The following VSIR variants were observed in gnomAD, a reference collection of about 807,000 sequenced individuals.
VSIR encodes the protein V-set immunoregulatory receptor.
VSIR carries 10 observed loss-of-function variants against 31.0 expected under a neutral mutation model. That is an observed-to-expected ratio of 0.32 (90% CI 0.20 to 0.55). The LOEUF (loss-of-function observed/expected upper bound fraction) is 0.55. VSIR is among the 20% of genes least tolerant of loss of function. VSIR has a pLI of 0.93. For missense variants in VSIR, 356 were observed against 416.2 expected, an observed-to-expected ratio of 0.86 and a Z score of 1.26; for synonymous variants, 179 against 180.1, an observed-to-expected ratio of 0.99 and a Z score of 0.05.
chr10:71,773,458 G>C lies in VSIR; in HGVS notation c.-19C>G. 1.3e-6 allele frequency: 2 copies of C among 1,580,208 alleles called. No homozygotes were observed. Among genetic ancestry groups the C allele is most frequent in the Non-Finnish European group, 1.7e-6 (2 of 1,163,054 alleles). Reference sequence around the variant, plus strand: ...CGCCCATGTCGCCGTCGGACGCGCAGAGGAACTTCTGGTGCCGGGGAGCGG... The same window carrying C: ...CGCCCATGTCGCCGTCGGACGCGCACAGGAACTTCTGGTGCCGGGGAGCGG... On this transcript the variant is annotated 5_prime_UTR_variant, in exon 1 of 7. Transcript: ENST00000394957.
chr10:71,765,507 C>T (rs1164958194), intron 1 of VSIR, among the ~76,000 whole-genome samples: 1 of 152,170 alleles, frequency 6.6e-6, no homozygotes, highest in African/African-American at 2.4e-5. Context: ...TCCCTGTGAA[C>T]AAGGTGGGGC....
In VSIR at chr10:71,751,270, T is replaced by C; in HGVS notation, c.919A>G (p.Asn307Asp). The change falls in exon 7 of 7, where the codon AAC becomes GAC. Residue 307 changes from asparagine to aspartate, a missense_variant. Coordinates refer to ENST00000394957, the MANE Select transcript of VSIR (RefSeq NM_022153.2). This position sits in a 1 kb window ranked among gnomAD's most constrained non-coding sequence, Gnocchi z 4.9. ...CAGCTGGGCTAGATGACCTCAAAGTTTGGAGAGTCAGGGACAGGGTCTGCA... is the reference window on the plus strand; with the variant it reads ...CAGCTGGGCTAGATGACCTCAAAGTCTGGAGAGTCAGGGACAGGGTCTGCA... The part of the protein sequence containing the change: ...PSLDPVPDSP[N>D]FEVI The C allele has an allele frequency of 6.2e-7, 1 of 1,610,338 alleles. No individual in the cohort carries two copies. Among genetic ancestry groups the C allele is most frequent in the Non-Finnish European group, 8.5e-7 (1 of 1,178,038 alleles).
chr10:71,757,859 AG>A (rs1214583378), intron 3 of VSIR, among the ~76,000 whole-genome samples: 3 of 152,162 alleles, frequency 2.0e-5, no homozygotes, highest in Non-Finnish European at 2.9e-5. Flanking sequence ...AGAAGTTCAA[AG>A]GGAGATGAGC....
At chr10:71,768,275 A>T (rs1840603274) in intron 1 of VSIR, among the ~76,000 whole-genome samples, 1 of 150,614 alleles carries the variant, frequency 6.6e-6, no homozygotes, top group Non-Finnish European at 1.5e-5. Flanking sequence ...GGTTGAAGCA[A>T]CTCTCCTGCC....
intron 4 of VSIR, among the ~76,000 whole-genome samples, chr10:71,754,378 G>A (rs575731875): frequency 7.2e-5 from 11 of 152,134 alleles, no homozygotes; most frequent in African/African-American, 2.4e-4. Context: ...GTTAAGGGCC[G>A]GCCACAGGAA....
At chr10:71,771,407 G>A (rs1700100965) in intron 1 of VSIR, among the ~76,000 whole-genome samples, 1 of 152,224 alleles carries the variant, frequency 6.6e-6, no homozygotes, top group African/African-American at 2.4e-5. Flanking sequence ...CTGGCATAAA[G>A]GCTTTGACCT....
chr10:71,762,137 G>C, intron 1 of VSIR, 111 bp from the exon 2 acceptor site: 1 of 1,281,848 alleles, frequency 7.8e-7, no homozygotes, highest in South Asian at 1.5e-5. Flanking sequence ...CAGGCCAGGG[G>C]CATGTCAGCT....
intron 1 of VSIR, among the ~76,000 whole-genome samples, chr10:71,772,800 G>C (rs1177426006): frequency 2.6e-5 from 4 of 152,172 alleles, no homozygotes; most frequent in Non-Finnish European, 5.9e-5. Context: ...TTAGAATAGG[G>C]ACCAGGTGGG....
At chr10:71,760,306 TACACAC>T (rs142089504) in intron 3 of VSIR, among the ~76,000 whole-genome samples, 2 of 86,502 alleles carry the variant, frequency 2.3e-5, no homozygotes, top group Admixed American at 1.3e-4. Flanking sequence ...TATATGTATA[TACACAC>T]ACATATATAT....
At position 71,760,028 on chromosome 10, in the gene VSIR, C is replaced by CACACACACACATATAT. The variant is rs1840293275; in HGVS notation, c.568+824_568+839dup. Among the ~76,000 whole-genome samples the CACACACACACATATAT allele has an allele frequency of 3.4e-4, 16 of 47,208 alleles. 6 individuals are homozygous for CACACACACACATATAT. Among genetic ancestry groups the CACACACACACATATAT allele is most frequent in the African/African-American group, 9.1e-4 (14 of 15,452 alleles). The allele number at this position is 47,208 out of a possible 152,430, so 31.0% of individuals were successfully genotyped here. On this transcript the variant is annotated intron_variant, in intron 3 of 6. Coordinates refer to ENST00000394957, the MANE Select transcript of VSIR (RefSeq NM_022153.2). ...ATATATATACACACACACATATATA[C>CACACACACACATATAT]ACACACACACATATATACACACACA...
intron 3 of VSIR, among the ~76,000 whole-genome samples, chr10:71,760,321 A>ATG (rs1840345851): frequency 6.8e-6 from 1 of 146,912 alleles, no homozygotes; most frequent in Admixed American, 6.9e-5. Context: ...ACACATATAT[A>ATG]TATATATATA....
chr10:71,764,261 A>T (rs755493512), intron 1 of VSIR, among the ~76,000 whole-genome samples: 1 of 152,208 alleles, frequency 6.6e-6, no homozygotes, highest in Non-Finnish European at 1.5e-5. Context: ...GGCATATCTA[A>T]CAATGCCATA....
chr10:71,755,896 G>A (rs1253834535), intron 3 of VSIR, among the ~76,000 whole-genome samples: 7 of 152,300 alleles, frequency 4.6e-5, no homozygotes, highest in South Asian at 4.1e-4. Flanking sequence ...CAGTGGTGAC[G>A]GTTGCACATT....
rs140045464 is a variant in VSIR, at chr10:71,762,004, G to C, written c.105C>G (p.Val35=). 1.2e-6 allele frequency: 2 copies of C among 1,606,890 alleles called. No individual in the cohort carries two copies. Among genetic ancestry groups the C allele is most frequent in the Non-Finnish European group, 1.7e-6 (2 of 1,175,744 alleles). ...ASLGPVAAFK[V]ATPYSLYVCP... is the part of the protein sequence containing the mutation. ...AGACATACAGGGAATACGGCGTGGCGACCTTGAAGGCTGCCACCGGACCTG... is the reference window on the plus strand; with the variant it reads ...AGACATACAGGGAATACGGCGTGGCCACCTTGAAGGCTGCCACCGGACCTG... The change falls in exon 2 of 7, where the codon GTC becomes GTG. Residue 35 remains valine, a synonymous_variant. Coordinates refer to ENST00000394957, the MANE Select transcript of VSIR (RefSeq NM_022153.2).
chr10:71,761,763 G>A lies in VSIR; in HGVS notation c.346C>T (p.Arg116Cys), dbSNP rs779919795. The part of the protein sequence containing the change: ...AANTSHDLAQ[R>C]HGLESASDHH... ...TCGGAGGCCGACTCCAGCCCGTGGC[G>A]CTGAGCCAGGTCGTGGCTGGTGTTG... Residue 116 changes from arginine (R) to cysteine (C), a missense_variant, in exon 2 of 7, where the codon CGC becomes TGC. Around this residue, in one of 2 missense-constraint regions of VSIR, gnomAD observed 166 missense variants for 231.0 expected, o/e 0.72. Transcript: ENST00000394957. The A allele has an allele frequency of 5.8e-5, 94 of 1,614,026 alleles. No homozygotes were observed. The highest frequency in any genetic ancestry group is 1.9e-4 in the South Asian group (17 of 91,088).
At chr10:71,752,433 C>A (rs1164073055) in intron 5 of VSIR, among the ~76,000 whole-genome samples, 1 of 152,230 alleles carries the variant, frequency 6.6e-6, no homozygotes, top group Non-Finnish European at 1.5e-5. Context: ...GGGGCAGGAA[C>A]TTGGGTTCCC....
rs749448731 is a variant in VSIR, at chr10:71,761,776, G to A, written c.333C>T (p.His111=). 3.5e-5 allele frequency: 57 copies of A among 1,614,044 alleles called. No individual in the cohort carries two copies. The highest frequency in any genetic ancestry group is 1.3e-4 in the South Asian group (12 of 91,088). ...CCAGCCCGTGGCGCTGAGCCAGGTCGTGGCTGGTGTTGGCAGCCTGGTGGC... is the reference window on the plus strand; with the variant it reads ...CCAGCCCGTGGCGCTGAGCCAGGTCATGGCTGGTGTTGGCAGCCTGGTGGC... ...HGGHQAANTS[H]DLAQRHGLES... is the part of the protein sequence containing the mutation. The change falls in exon 2 of 7, where the codon CAC becomes CAT. Residue 111 remains histidine (H), a synonymous_variant. Coordinates refer to ENST00000394957, the MANE Select transcript of VSIR (RefSeq NM_022153.2).
At chr10:71,760,798 A>G in intron 3 of VSIR, 70 bp downstream of exon 3, 1 of 1,470,462 alleles carries the variant, frequency 6.8e-7, no homozygotes, top group South Asian at 1.1e-5. Flanking sequence ...AGTTCCAAAC[A>G]GGGTCTGGGT....
chr10:71,753,625 GC>G (rs1457452761), intron 4 of VSIR, among the ~76,000 whole-genome samples: 2 of 152,208 alleles, frequency 1.3e-5, no homozygotes, highest in Non-Finnish European at 2.9e-5. Flanking sequence ...GCTGCCGCTT[GC>G]CTCAGCCTTG....
Sources: gnomAD v4.1 joint callset for allele counts (sites outside exome capture counted in the v4.1 genomes callset) on GRCh38, gnomAD v4.1.1 for gene constraint, gnomAD v4.1.1 regional missense constraint, Gnocchi (gnomAD v3.1) non-coding constraint, MANE v1.5 for transcripts, NCBI Gene and HGNC (gene_info 2026-07-23, HGNC 2026-07-21) for gene names.